CALB2: variants seen among roughly 807,000 people sequenced by gnomAD.
CALB2 encodes the protein calbindin 2, also known as calretinin.
CALB2 carries 34 observed loss-of-function variants against 45.9 expected under a neutral mutation model. That is an observed-to-expected ratio of 0.74 (90% CI 0.56 to 0.99). The LOEUF is 0.99. CALB2 is among the 50% of genes least tolerant of loss of function. CALB2 has a pLI of 0.00. For synonymous variants in CALB2, 142 were observed against 129.6 expected (o/e 1.10, Z -0.65); for missense variants, 344 against 339.3 (o/e 1.01, Z -0.11).
At chr16:71,371,506 C>T (rs1394311866) in intron 1 of CALB2, among the ~76,000 whole-genome samples, 1 of 152,126 alleles carries the variant, frequency 6.6e-6, no homozygotes. Context: ...TGAATCTGCT[C>T]CCTGCCTCCC....
At chr16:71,361,072 T>C (rs1469676586) in intron 1 of CALB2, among the ~76,000 whole-genome samples, 4 of 152,160 alleles carry the variant, frequency 2.6e-5, no homozygotes, top group Non-Finnish European at 1.5e-5. Flanking sequence ...ACCAAACCCA[T>C]GATCTTCAAA....
At chr16:71,389,210 T>A (rs189876779) in intron 10 of CALB2, among the ~76,000 whole-genome samples, 78 of 151,976 alleles carry the variant, frequency 5.1e-4, no homozygotes, top group African/African-American at 1.8e-3. Flanking sequence ...ATAAAAAAAA[T>A]TCCTTGCTTA....
At chr16:71,388,672 G>A (rs956493838) in intron 10 of CALB2, among the ~76,000 whole-genome samples, 1 of 152,038 alleles carries the variant, frequency 6.6e-6, no homozygotes, top group Non-Finnish European at 1.5e-5. Flanking sequence ...GGAGAAGCTG[G>A]GATTTAGAAT....
At chr16:71,382,816 G>A in intron 5 of CALB2, 41 bp downstream of exon 5, 1 of 1,571,002 alleles carries the variant, frequency 6.4e-7, no homozygotes, top group Non-Finnish European at 8.6e-7. Context: ...CAGAGTGGCG[G>A]TGGGCTTAAG....
rs765895649 is a variant in CALB2, at chr16:71,382,703, A to G, written c.343-16A>G. On this transcript the variant is annotated splice_polypyrimidine_tract_variant and intron_variant, in intron 4 of 10. Coordinates refer to ENST00000302628, the MANE Select transcript of CALB2 (RefSeq NM_001740.5). Reference sequence around the variant, plus strand: ...GATACGTCTTTGCAAAGAGGTTGACATTCCTGTTGTTGCAGGCTTGGCGGA... The same window carrying G: ...GATACGTCTTTGCAAAGAGGTTGACGTTCCTGTTGTTGCAGGCTTGGCGGA... The G allele has an allele frequency of 1.7e-5, 28 of 1,610,082 alleles. 1 individual carries two copies. The East Asian group carries it at 5.8e-4, about 33-fold the overall frequency.
intron 10 of CALB2, among the ~76,000 whole-genome samples, chr16:71,385,886 C>G (rs963972671): frequency 6.6e-5 from 10 of 152,062 alleles, no homozygotes; most frequent in African/African-American, 2.2e-4. Context: ...GAAAGCTTAC[C>G]ATCTTCACAT....
rs1465701065 is a variant in CALB2 at position 71,383,991 on chromosome 16, G to A, written c.499G>A (p.Gly167Arg). 41 of 1,613,866 alleles carry A rather than the reference G, an allele frequency of 2.5e-5. No homozygotes were observed. The highest frequency in any genetic ancestry group is 3.1e-5 in the Non-Finnish European group (36 of 1,179,848). ...QTILRMFDLN[G>R]DGKLGLSEMS... The stretch of plus-strand genomic sequence containing the variant: ...ACAGCTACGGATGTTTGACTTGAAC[G>A]GGGATGGCAAATTGGGCCTCTCAGA... The change falls in exon 7 of 11, where the codon GGG becomes AGG. Residue 167 changes from glycine to arginine, a missense_variant. This residue lies in a region of CALB2 where 263 missense variants were observed against 241.7 expected (regional missense o/e 1.09). Transcript: ENST00000302628.
At chr16:71,364,071 A>G (rs1341920290) in intron 1 of CALB2, among the ~76,000 whole-genome samples, 1 of 151,922 alleles carries the variant, frequency 6.6e-6, no homozygotes, top group Admixed American at 6.6e-5. Context: ...TTTTTTCACT[A>G]ACAGCGTCCT....
chr16:71,373,625 A>G (rs1355918878), intron 2 of CALB2, among the ~76,000 whole-genome samples: 2 of 152,298 alleles, frequency 1.3e-5, no homozygotes, highest in Non-Finnish European at 2.9e-5. Context: ...CAGCTGTTAT[A>G]TAGTAGAAAG....
intron 2 of CALB2, among the ~76,000 whole-genome samples, chr16:71,374,214 G>A (rs549795179): frequency 2.6e-5 from 4 of 152,178 alleles, no homozygotes; most frequent in East Asian, 3.9e-4. Flanking sequence ...ATTACCCTTC[G>A]GCTACATGAT....
At chr16:71,361,178 C>T (rs932531434) in intron 1 of CALB2, among the ~76,000 whole-genome samples, 1 of 152,192 alleles carries the variant, frequency 6.6e-6, no homozygotes, top group Non-Finnish European at 1.5e-5. Context: ...CAGACTTCCA[C>T]TGCCATCTCT....
chr16:71,373,783 T>C (rs147282069), intron 2 of CALB2, among the ~76,000 whole-genome samples: 1 of 152,362 alleles, frequency 6.6e-6, no homozygotes, highest in African/African-American at 2.4e-5. Flanking sequence ...TTAAATAAGA[T>C]GGCCACATTT....
intron 1 of CALB2, among the ~76,000 whole-genome samples, chr16:71,370,387 G>A (rs969595391): frequency 1.3e-5 from 2 of 152,080 alleles, no homozygotes; most frequent in South Asian, 2.1e-4. Flanking sequence ...TCTCCTCTAC[G>A]GGAATCTTGC....
At chr16:71,382,446 T>C (rs921259938) in intron 4 of CALB2, among the ~76,000 whole-genome samples, 6 of 152,214 alleles carry the variant, frequency 3.9e-5, no homozygotes, top group African/African-American at 1.2e-4. Context: ...GCAACAAACA[T>C]TGATTACATC....
intron 10 of CALB2, 50 bp downstream of exon 10, chr16:71,385,698 G>C (rs770148711): frequency 1.3e-6 from 2 of 1,482,460 alleles, no homozygotes; most frequent in Admixed American, 3.4e-5. Flanking sequence ...GCACAGGAGA[G>C]GCTTCTGCAG....
intron 4 of CALB2, among the ~76,000 whole-genome samples, chr16:71,381,386 T>G (rs1189729189): frequency 1.4e-5 from 2 of 147,828 alleles, no homozygotes; most frequent in African/African-American, 5.1e-5. Context: ...ACCCTTTTCT[T>G]GGGATTTGCT....
chr16:71,362,773 G>A (rs902403856), intron 1 of CALB2, among the ~76,000 whole-genome samples: 1 of 152,240 alleles, frequency 6.6e-6, no homozygotes, highest in African/African-American at 2.4e-5. Flanking sequence ...TCTCTGAAGA[G>A]TGGATGAGCC....
intron 8 of CALB2, 74 bp from the exon 9 acceptor site, chr16:71,384,709 C>T: frequency 2.1e-6 from 1 of 468,846 alleles, no homozygotes; most frequent in Non-Finnish European, 2.9e-6. Flanking sequence ...CACATAAACA[C>T]ACACACACAA....
intron 2 of CALB2, among the ~76,000 whole-genome samples, chr16:71,373,096 G>T (rs1415569084): frequency 6.6e-6 from 1 of 152,168 alleles, no homozygotes; most frequent in East Asian, 1.9e-4. Context: ...ATACTGCAAA[G>T]CTCAGGTGAT....
Sources: gnomAD v4.1 joint callset for allele counts (sites outside exome capture counted in the v4.1 genomes callset) on GRCh38, gnomAD v4.1.1 for gene constraint, gnomAD v4.1.1 regional missense constraint, MANE v1.5 for transcripts, NCBI Gene and HGNC (gene_info 2026-07-23, HGNC 2026-07-21) for gene names.